Variants in COL11A1 observed in about 807,000 individuals in gnomAD.
COL11A1 encodes collagen alpha-1(XI) chain.
In COL11A1, 74 loss-of-function variants were observed where a neutral mutation model predicts 265.2. That is an observed-to-expected ratio of 0.28 (90% CI 0.23 to 0.34). The LOEUF (loss-of-function observed/expected upper bound fraction) is 0.34, where lower values mean the gene tolerates loss of function less well. Among genes scored for constraint, COL11A1 ranks in the 10% least tolerant of loss-of-function variants. The pLI, the probability that COL11A1 is intolerant of heterozygous loss-of-function variation, is 1.00. For missense variants in COL11A1, 2,165 were observed against 2,263.6 expected, an observed-to-expected ratio of 0.96 and a Z score of 0.88; for synonymous variants, 816 against 727.6, an observed-to-expected ratio of 1.12 and a Z score of -1.96.
intron 4 of COL11A1, among the ~76,000 whole-genome samples, chr1:103,052,409 T>C (rs1329266751): frequency 6.6e-6 from 1 of 152,186 alleles, no homozygotes; most frequent in East Asian, 1.9e-4. Flanking sequence ...CCAAACCACA[T>C]TACATTTCTC....
chr1:103,006,054 T>C lies in COL11A1; in HGVS notation c.1791+14A>G. On this transcript the variant is annotated intron_variant, in intron 17 of 66. Transcript: ENST00000370096. Reference sequence around the variant, plus strand: ...GACACAGGATGTGAATATAAAAATATGTGAGCTCCTGACCTTTGCCCCAGG... The same window carrying C: ...GACACAGGATGTGAATATAAAAATACGTGAGCTCCTGACCTTTGCCCCAGG... The C allele has an allele frequency of 6.2e-7, 1 of 1,613,912 alleles. No individual in the cohort carries two copies. Among genetic ancestry groups the C allele is most frequent in the Non-Finnish European group, 8.5e-7 (1 of 1,179,838 alleles).
chr1:102,953,540 T>C (rs778082005), intron 41 of COL11A1, among the ~76,000 whole-genome samples: 11 of 152,192 alleles, frequency 7.2e-5, no homozygotes, highest in Non-Finnish European at 1.5e-4. Flanking sequence ...GTTTTAGTCA[T>C]ATTTAATATA....
chr1:103,006,623 T>C (rs990353273), intron 15 of COL11A1, among the ~76,000 whole-genome samples: 4 of 134,754 alleles, frequency 3.0e-5, no homozygotes, highest in Non-Finnish European at 4.6e-5. Flanking sequence ...CTGCAAGCTC[T>C]GCCTCCCAGG....
intron 49 of COL11A1, 99 bp downstream of exon 49, chr1:102,920,212 C>T (rs1476979043): frequency 5.6e-6 from 6 of 1,073,478 alleles, no homozygotes; most frequent in Non-Finnish European, 8.7e-6. Flanking sequence ...ATGTAAAAGG[C>T]TTAGAAACAC....
intron 66 of COL11A1, among the ~76,000 whole-genome samples, chr1:102,878,567 G>A (rs958174526): frequency 7.2e-6 from 1 of 138,462 alleles, no homozygotes; most frequent in African/African-American, 2.7e-5. Context: ...TCAGGCTGGA[G>A]AGCAGTGATC....
intron 35 of COL11A1, 66 bp from the exon 36 acceptor site, chr1:102,974,949 AG>A: frequency 8.4e-7 from 1 of 1,192,126 alleles, no homozygotes; most frequent in Non-Finnish European, 1.3e-6. Context: ...TTATACTTTG[AG>A]GTTTATTTAC....
chr1:103,093,448 C>T (rs2102380257), intron 1 of COL11A1, among the ~76,000 whole-genome samples: 1 of 152,052 alleles, frequency 6.6e-6, no homozygotes, highest in South Asian at 2.1e-4. Flanking sequence ...AAAAAAAAAT[C>T]CACAAAGGAT....
At chr1:103,037,762 C>T (rs894849970) in intron 4 of COL11A1, among the ~76,000 whole-genome samples, 1 of 152,128 alleles carries the variant, frequency 6.6e-6, no homozygotes, top group Non-Finnish European at 1.5e-5. Flanking sequence ...AAGATCTAAA[C>T]TTTTAATATT....
intron 1 of COL11A1, among the ~76,000 whole-genome samples, chr1:103,104,769 GACATAAT>G (rs1674561105): frequency 1.3e-5 from 2 of 152,128 alleles, no homozygotes; most frequent in African/African-American, 4.8e-5. Flanking sequence ...CAAATGGAAA[GACATAAT>G]ATTAATGAGT....
chr1:102,910,558 T>A (rs1654534177), intron 54 of COL11A1, among the ~76,000 whole-genome samples: 1 of 152,172 alleles, frequency 6.6e-6, no homozygotes, highest in South Asian at 2.1e-4. Flanking sequence ...TTAATTTCCT[T>A]GCTTATATTA....
intron 4 of COL11A1, among the ~76,000 whole-genome samples, chr1:103,058,958 T>C (rs1670446393): frequency 6.6e-6 from 1 of 152,116 alleles, no homozygotes; most frequent in Non-Finnish European, 1.5e-5. Flanking sequence ...ACCATACTTA[T>C]AATAATAATA....
At chr1:103,013,796 C>T (rs1317726825) in intron 13 of COL11A1, among the ~76,000 whole-genome samples, 6 of 151,728 alleles carry the variant, frequency 4.0e-5, no homozygotes, top group Admixed American at 3.9e-4. Flanking sequence ...TTTCCTTCTT[C>T]CTTAAAAAGA....
At chr1:103,044,686 C>T (rs1669106497) in intron 4 of COL11A1, among the ~76,000 whole-genome samples, 1 of 152,014 alleles carries the variant, frequency 6.6e-6, no homozygotes, top group Admixed American at 6.6e-5. Flanking sequence ...ATGACCTATA[C>T]CCTTTGAATT....
rs1337474708 is a variant in COL11A1 at position 102,879,685 on chromosome 1, C to A, written c.5272G>T (p.Ala1758Ser). 1 of 1,612,966 alleles carries A rather than the reference C, an allele frequency of 6.2e-7. No homozygotes were observed. Reference sequence around the variant, plus strand: ...AGACAAGCAGAACTTATACTCACCGCACAACCATCATACAGTGTTTTGATA... The same window carrying A: ...AGACAAGCAGAACTTATACTCACCGAACAACCATCATACAGTGTTTTGATA... The part of the protein sequence containing the change: ...PFIKTLYDGC[A>S]SRKGYEKTVI... The change falls in exon 66 of 67, where the codon GCG (alanine) becomes TCG (serine). Residue 1758 changes from alanine (A) to serine (S), a missense_variant and splice_region_variant. Ala to Ser is a moderately conservative substitution (Grantham distance 99). Transcript: ENST00000370096.
At chr1:103,017,001 T>C (rs2101910906) in intron 11 of COL11A1, among the ~76,000 whole-genome samples, 1 of 152,022 alleles carries the variant, frequency 6.6e-6, no homozygotes, top group African/African-American at 2.4e-5. Context: ...CTTATGAAAA[T>C]ATGGTGGGAT....
chr1:103,025,885 T>C lies in COL11A1; in HGVS notation c.898-272A>G, dbSNP rs148225616. 3.1e-6 allele frequency: 5 copies of C among 1,613,234 alleles called. No homozygotes were observed. The highest frequency in any genetic ancestry group is 4.2e-6 in the Non-Finnish European group (5 of 1,179,728). ...TTTTTCAGATTTGGGGGGTGTAAAC[T>C]TTTTGGATTTTTCCTTTGATTTAGT... On this transcript the variant is annotated intron_variant, in intron 6 of 66. Coordinates refer to ENST00000370096, the MANE Select transcript of COL11A1 (RefSeq NM_001854.4).
intron 47 of COL11A1, among the ~76,000 whole-genome samples, chr1:102,922,895 C>A (rs564763658): frequency 6.6e-6 from 1 of 152,236 alleles, no homozygotes; most frequent in Non-Finnish European, 1.5e-5. Flanking sequence ...TTAAGACATG[C>A]AGTCATCACA....
intron 44 of COL11A1, among the ~76,000 whole-genome samples, chr1:102,936,993 G>A (rs974682771): frequency 6.6e-6 from 1 of 152,116 alleles, no homozygotes; most frequent in Non-Finnish European, 1.5e-5. Context: ...AACTAGATAT[G>A]AGAATATAGC....
chr1:102,883,447 C>T, intron 63 of COL11A1, 136 bp from the exon 64 acceptor site: 1 of 675,042 alleles, frequency 1.5e-6, no homozygotes. Context: ...AGCTTTTGGG[C>T]ATATTGGGGT....
Sources: allele counts gnomAD v4.1 joint callset (sites outside exome capture counted in the v4.1 genomes callset), GRCh38; gene constraint gnomAD v4.1.1; transcripts MANE v1.5; gene names NCBI Gene and HGNC (gene_info 2026-07-23, HGNC 2026-07-21).